The following DHTKD1 variants were observed in gnomAD, a reference collection of about 807,000 sequenced individuals.
DHTKD1 encodes the protein dehydrogenase E1 and transketolase domain containing 1, also known as 2-oxoadipate dehydrogenase complex component E1.
DHTKD1 carries 78 observed loss-of-function variants against 101.8 expected under a neutral mutation model. That is an observed-to-expected ratio of 0.77 (90% confidence interval 0.64 to 0.93). DHTKD1 has a LOEUF of 0.93. Among genes scored for constraint, DHTKD1 ranks in the 40% least tolerant of loss-of-function variants. DHTKD1 has a pLI of 0.00. For synonymous variants in DHTKD1, 462 were observed against 450.3 expected, an observed-to-expected ratio of 1.03 and a Z score of -0.33; for missense variants, 1,223 against 1,161.7, an observed-to-expected ratio of 1.05 and a Z score of -0.77.
In DHTKD1 at chr10:12,081,667, C is replaced by T. The variant is rs10906066; in HGVS notation, c.310+40C>T. On this transcript the variant is annotated intron_variant, in intron 2 of 16. Coordinates refer to ENST00000263035, the MANE Select transcript of DHTKD1 (RefSeq NM_018706.7). The stretch of plus-strand genomic sequence containing the variant: ...CAGCAGGCGGGAGCTCGGAGCTGCA[C>T]ACCAGGCCAGGCTCCTGCCTCTGTT... 922,584 of 1,610,596 alleles carry T rather than the reference C, an allele frequency of 0.57. 271,834 individuals carry two copies. Among genetic ancestry groups the T allele is most frequent in the South Asian group, 0.72 (65,365 of 90,982 alleles).
chr10:12,101,172 G>A lies in DHTKD1; in HGVS notation c.1887G>A (p.Gly629=), dbSNP rs1231729879. The A allele has an allele frequency of 6.2e-7, 1 of 1,612,568 alleles. No homozygotes were observed. Among genetic ancestry groups the A allele is most frequent in the Admixed American group, 1.7e-5 (1 of 59,618 alleles). The change falls in exon 10 of 17, where the codon GGG becomes GGA. Residue 629 remains glycine (G), a synonymous_variant. Transcript: ENST00000263035. The part of the protein sequence containing the change: ...PLNHMDPNQK[G]FLEVSNSPLS... ...ACCATATGGACCCAAATCAGAAGGG[G>A]TTTCTAGAGGTGAGATGTTTCTATA... is the stretch of plus-strand genomic sequence containing the variant.
Position 12,069,175 on chromosome 10 carries a change from G to A in DHTKD1, c.142G>A (p.Glu48Lys). The A allele has an allele frequency of 1.3e-6, 2 of 1,554,814 alleles. No homozygotes were observed. Among genetic ancestry groups the A allele is most frequent in the Non-Finnish European group, 1.7e-6 (2 of 1,150,838 alleles). The change falls in exon 1 of 17, where the codon GAG (glutamate) becomes AAG (lysine). Residue 48 changes from glutamate to lysine, a missense_variant. Transcript: ENST00000263035. ...GAGCCGCGAGCCCCAGGGCGCCCTG[G>A]AGCGCCCCCCAGGTCGGGGATGGGG... ...PESREPQGALERPPVDHGLAR... is the reference protein window; with the variant it reads ...PESREPQGALKRPPVDHGLAR...
At chr10:12,073,557 G>T (rs1832680176) in intron 1 of DHTKD1, among the ~76,000 whole-genome samples, 1 of 152,130 alleles carries the variant, frequency 6.6e-6, no homozygotes. Flanking sequence ...TGTTGGCCAG[G>T]CTAGTCTTGA....
intron 13 of DHTKD1, among the ~76,000 whole-genome samples, chr10:12,115,464 T>C (rs1266892366): frequency 1.3e-5 from 2 of 152,124 alleles, no homozygotes; most frequent in Non-Finnish European, 2.9e-5. Context: ...GGGGCGATAT[T>C]TTCATGGCCC....
At position 12,091,565 on chromosome 10, in the gene DHTKD1, C is replaced by T. The variant is rs760006425; in HGVS notation, c.1040C>T (p.Thr347Met). The change falls in exon 6 of 17, where the codon ACG becomes ATG. Residue 347 changes from threonine to methionine, a missense_variant. By Grantham distance (81) the Thr-to-Met change is moderately conservative. Transcript: ENST00000263035. ...CGQGIVPETF[T>M]LSNLPHFRIG... ...CAAGGGATTGTTCCTGAAACATTCA[C>T]GCTGTCCAATCTCCCACATTTCAGA... The T allele has an allele frequency of 6.2e-6, 10 of 1,612,758 alleles. No homozygotes were observed. The highest frequency in any genetic ancestry group is 4.0e-5 in the African/African-American group (3 of 74,812).
At chr10:12,119,615 C>CAA (rs71382684) in intron 15 of DHTKD1, among the ~76,000 whole-genome samples, 115 of 89,252 alleles carry the variant, frequency 1.3e-3, no homozygotes, top group Middle Eastern at 6.6e-3. Context: ...GACTCCGTCT[C>CAA]AAAAAAAAAA....
rs1833163421 is a variant in DHTKD1, at chr10:12,101,148, C to A, written c.1863C>A (p.Asn621Lys). ...QETDDTYIPL[N>K]HMDPNQKGFL... ...CGGATGACACCTACATCCCCCTGAA[C>A]CATATGGACCCAAATCAGAAGGGGT... Residue 621 changes from asparagine to lysine, a missense_variant, in exon 10 of 17, where the codon AAC becomes AAA. By Grantham distance (94) the Asn-to-Lys change is moderately conservative (BLOSUM62 0). Coordinates refer to ENST00000263035, the MANE Select transcript of DHTKD1 (RefSeq NM_018706.7). The A allele has an allele frequency of 6.2e-7, 1 of 1,613,906 alleles. No individual in the cohort carries two copies. The highest frequency in any genetic ancestry group is 1.7e-5 in the Admixed American group (1 of 59,972).
At chr10:12,109,091 G>A (rs974643629) in intron 12 of DHTKD1, among the ~76,000 whole-genome samples, 1 of 152,080 alleles carries the variant, frequency 6.6e-6, no homozygotes, top group Non-Finnish European at 1.5e-5. Flanking sequence ...GGCAGAGGTT[G>A]CAGTGAGATC....
At position 12,097,975 on chromosome 10, in the gene DHTKD1, C is replaced by T. The variant is rs375209596; in HGVS notation, c.1650C>T (p.His550=). ...CAAGAGAGCTGCAGATGCACAGTCACCTGCTGAAGACACATGTTCAGGTGG... is the reference window on the plus strand; with the variant it reads ...CAAGAGAGCTGCAGATGCACAGTCATCTGCTGAAGACACATGTTCAGGTGG... ...EVPRELQMHS[H]LLKTHVQSRM... Residue 550 remains histidine, a synonymous_variant, in exon 8 of 17, where the codon CAC becomes CAT. Coordinates refer to ENST00000263035, the MANE Select transcript of DHTKD1 (RefSeq NM_018706.7). 4.7e-5 allele frequency: 75 copies of T among 1,611,244 alleles called. No homozygotes were observed. The highest frequency in any genetic ancestry group is 6.1e-5 in the Non-Finnish European group (72 of 1,178,016).
intron 14 of DHTKD1, among the ~76,000 whole-genome samples, 156 bp from the exon 15 acceptor site, chr10:12,118,593 A>G (rs189347074): frequency 0.036 from 5,403 of 151,966 alleles, 133 homozygotes; most frequent in South Asian, 0.073. Flanking sequence ...CGTGTTAGCC[A>G]GGATGGTCTT....
At chr10:12,078,058 G>A (rs1307976776) in intron 1 of DHTKD1, among the ~76,000 whole-genome samples, 1 of 152,112 alleles carries the variant, frequency 6.6e-6, no homozygotes, top group East Asian at 1.9e-4. Context: ...GTGGCAAGGA[G>A]GGTTATTTTG....
rs554185313 is a variant in DHTKD1 at position 12,074,002 on chromosome 10, T to C, written c.154+4815T>C. ...TGCAGGCGTGTATCTGCTGTTGTTT[T>C]CTCTATTCTCTCTGGCTTCGTTACG... is the stretch of plus-strand genomic sequence containing the variant. On this transcript the variant is annotated intron_variant, in intron 1 of 16. Transcript: ENST00000263035. Among the ~76,000 whole-genome samples, 6 of 152,332 alleles carry C rather than the reference T, an allele frequency of 3.9e-5. No homozygotes were observed. In the South Asian group the frequency reaches 1.2e-3, roughly 32 times the overall value.
At chr10:12,109,461 A>ACTAGATGACATTGAGAGTCATCG (rs1833296833) in intron 12 of DHTKD1, among the ~76,000 whole-genome samples, 1 of 149,976 alleles carries the variant, frequency 6.7e-6, no homozygotes, top group African/African-American at 2.5e-5. Flanking sequence ...CGGAGTCATC[A>ACTAGATGACATTGAGAGTCATCG]GCCACTAGAT....
At chr10:12,085,296 C>T (rs959680071) in intron 3 of DHTKD1, among the ~76,000 whole-genome samples, 19 of 151,596 alleles carry the variant, frequency 1.3e-4, no homozygotes, top group Non-Finnish European at 1.5e-4. Context: ...GGTGACAGAG[C>T]GAGACTCTGT....
intron 9 of DHTKD1, 22 bp downstream of exon 9, chr10:12,100,284 T>C: frequency 1.2e-6 from 1 of 806,158 alleles, no homozygotes; most frequent in African/African-American, 2.1e-5. Context: ...CTTTTTTTTT[T>C]CTGTTTTTTT....
intron 13 of DHTKD1, chr10:12,116,476 C>T (rs1701469): frequency 0.96 from 145,816 of 151,796 alleles, 70,310 homozygotes; most frequent in East Asian, 1. Flanking sequence ...CTGCAACCTC[C>T]GGCTCCCAGG....
intron 1 of DHTKD1, among the ~76,000 whole-genome samples, chr10:12,076,240 G>A (rs991630808): frequency 5.3e-5 from 8 of 152,268 alleles, no homozygotes; most frequent in Non-Finnish European, 1.2e-4. Context: ...CACTTTGGGA[G>A]GCCGCGGTGG....
In DHTKD1 at chr10:12,121,276, C is replaced by G; in HGVS notation, c.*388C>G. The G allele has an allele frequency of 4.9e-6, 1 of 204,570 alleles. No homozygotes were observed. The highest frequency in any genetic ancestry group is 1.0e-5 in the Non-Finnish European group (1 of 98,588). 12.7% of individuals were successfully genotyped at this position (204,570 alleles called of 1,614,324 possible). A position where few individuals can be genotyped will look rare whatever the true frequency, so the allele number is the denominator to read the frequency against. On this transcript the variant is annotated 3_prime_UTR_variant, in exon 17 of 17. Coordinates refer to ENST00000263035, the MANE Select transcript of DHTKD1 (RefSeq NM_018706.7). ...GGCCTCCTTCCTCCACTCTCTCAAC[C>G]CCTCTGTTGGGTAACATGAAAAGAC...
chr10:12,118,858 C>T lies in DHTKD1; in HGVS notation c.2512C>T (p.Leu838Phe). The T allele has an allele frequency of 6.2e-7, 1 of 1,608,506 alleles. No individual in the cohort carries two copies. ...CTTTGCCATCATCCGAGTAGAGGAA[C>T]TCTGCCCCTTCCCGTTGGATTCTTT... is the stretch of plus-strand genomic sequence containing the variant. ...HDFAIIRVEE[L>F]CPFPLDSLQQ... The change falls in exon 15 of 17, where the codon CTC becomes TTC. Residue 838 changes from leucine to phenylalanine, a missense_variant. Transcript: ENST00000263035.
Sources: gnomAD v4.1 joint callset for allele counts (sites outside exome capture counted in the v4.1 genomes callset) on GRCh38, gnomAD v4.1.1 for gene constraint, MANE v1.5 for transcripts, NCBI Gene and HGNC (gene_info 2026-07-23, HGNC 2026-07-21) for gene names.